CAMK2A: variants seen among roughly 807,000 people sequenced by gnomAD.
The protein encoded by CAMK2A is calcium/calmodulin dependent protein kinase II alpha.
CAMK2A carries 7 observed loss-of-function variants against 79.2 expected under a neutral mutation model. The ratio of observed to expected loss-of-function variants is 0.09; its 90% CI spans 0.05 to 0.17. The LOEUF is 0.17. Among genes scored for constraint, CAMK2A ranks in the 10% least tolerant of loss-of-function variants. CAMK2A has a pLI of 1.00. For synonymous variants in CAMK2A, 242 were observed against 251.7 expected (o/e 0.96, Z 0.36); for missense variants, 214 against 646.4 (o/e 0.33, Z 7.25).
At chr5:150,276,449 A>G (rs78209894) in intron 1 of CAMK2A, among the ~76,000 whole-genome samples, 239 of 152,294 alleles carry the variant, frequency 1.6e-3, no homozygotes, top group Non-Finnish European at 2.5e-3. Context: ...AGACAGGAGA[A>G]GAGATTTTCA....
At chr5:150,265,084 A>G (rs770382357) in intron 2 of CAMK2A, 69 bp from the exon 3 acceptor site, 10 of 1,194,584 alleles carry the variant, frequency 8.4e-6, no homozygotes, top group South Asian at 2.5e-5. Flanking sequence ...CCCCCTTCTC[A>G]AAGCCTCGTA....
chr5:150,225,755 A>T lies in CAMK2A; in HGVS notation c.1237+2437T>A, dbSNP rs113770716. 3.3e-4 allele frequency among the ~76,000 whole-genome samples: 21 copies of T among 64,286 alleles called. No homozygotes were observed. In the South Asian group the frequency reaches 4.1e-3, roughly 12 times the overall value. The allele number at this position is 64,286 out of a possible 152,430, so 42.2% of individuals were successfully genotyped here. On this transcript the variant is annotated intron_variant, in intron 17 of 18. Coordinates refer to ENST00000671881, the MANE Select transcript of CAMK2A (RefSeq NM_015981.4). ...TTCAATTGTTATTATTATTATTATT[A>T]TTTTTTTTAGATGGAGTCTTGCTCT...
At chr5:150,253,327 C>T (rs1037191361) in intron 7 of CAMK2A, 117 bp downstream of exon 7, 37 of 778,296 alleles carry the variant, frequency 4.8e-5, no homozygotes, top group Admixed American at 6.0e-5. Flanking sequence ...CTACCAGCCC[C>T]GGCTGGCCCA....
In CAMK2A at chr5:150,281,187, A is replaced by G. The variant is rs1199167226; in HGVS notation, c.63-8028T>C. ...TAATCAAAGCCCAGTCTCTTCCCCA[A>G]AATTTCCCCACTCTTGGTTAAGATA... On this transcript the variant is annotated intron_variant, in intron 1 of 18. Coordinates refer to ENST00000671881, the MANE Select transcript of CAMK2A (RefSeq NM_015981.4). Among the ~76,000 whole-genome samples the G allele has an allele frequency of 2.6e-5, 4 of 152,316 alleles. No individual in the cohort carries two copies. The East Asian group carries it at 7.7e-4, about 29-fold the overall frequency.
chr5:150,262,242 G>T (rs1206403910), intron 3 of CAMK2A, among the ~76,000 whole-genome samples: 3 of 152,214 alleles, frequency 2.0e-5, no homozygotes, highest in African/African-American at 7.2e-5. Context: ...CACAGAAGCA[G>T]CGACCAGTAG....
At chr5:150,250,526 A>T (rs1755785059) in intron 10 of CAMK2A, among the ~76,000 whole-genome samples, 162 bp downstream of exon 10, 1 of 151,836 alleles carries the variant, frequency 6.6e-6, no homozygotes, top group East Asian at 1.9e-4. Context: ...CAGAACACTC[A>T]CTCCTCGTTT....
rs375625832 is a variant in CAMK2A, at chr5:150,271,045, C to T, written c.157+2020G>A. Among the ~76,000 whole-genome samples the T allele has an allele frequency of 3.3e-4, 50 of 152,334 alleles. 3 individuals are homozygous for T. Among genetic ancestry groups the T allele is most frequent in the South Asian group, 3.1e-3 (15 of 4,828 alleles). On this transcript the variant is annotated intron_variant, in intron 2 of 18. Coordinates refer to ENST00000671881, the MANE Select transcript of CAMK2A (RefSeq NM_015981.4). ...CTCTCCCACTGGGGCAATCTTAACC[C>T]GTCACCCCCTGTCCCTGTTGTATCT...
At chr5:150,266,626 C>T (rs1260181645) in intron 2 of CAMK2A, among the ~76,000 whole-genome samples, 1 of 152,098 alleles carries the variant, frequency 6.6e-6, no homozygotes, top group Non-Finnish European at 1.5e-5. Flanking sequence ...CAAAGTCAAT[C>T]CCGCAGTGAG....
intron 7 of CAMK2A, among the ~76,000 whole-genome samples, chr5:150,252,302 C>T (rs1419199205): frequency 6.6e-6 from 1 of 152,200 alleles, no homozygotes; most frequent in Admixed American, 6.5e-5. Context: ...CACCTGTCAC[C>T]ACTTCCCACT....
chr5:150,253,600 C>T, intron 6 of CAMK2A, 54 bp from the exon 7 acceptor site: 1 of 1,444,064 alleles, frequency 6.9e-7, no homozygotes. Flanking sequence ...AAGAGACAGT[C>T]AGCAGATTCA....
chr5:150,235,226 A>C (rs1411505945), intron 15 of CAMK2A, among the ~76,000 whole-genome samples: 2 of 152,196 alleles, frequency 1.3e-5, no homozygotes, highest in Non-Finnish European at 2.9e-5. Context: ...AATAAAGCCT[A>C]GTGGGCAGGA....
chr5:150,230,734 G>A (rs1005863774), intron 16 of CAMK2A, among the ~76,000 whole-genome samples: 10 of 152,254 alleles, frequency 6.6e-5, no homozygotes, highest in Non-Finnish European at 1.0e-4. Flanking sequence ...AAGTCCAGGT[G>A]TGTATGTGAT....
In CAMK2A at chr5:150,256,541, G is replaced by T. The variant is rs371519539; in HGVS notation, c.411+32C>A. ...ACGTGCAGAGGAGAGAGGGGCTCCC[G>T]GGGTGAGCCACACCCACGGTGGGTT... is the stretch of plus-strand genomic sequence containing the variant. On this transcript the variant is annotated intron_variant, in intron 6 of 18. Transcript: ENST00000671881. The surrounding 1 kb of genome is among the most constrained non-coding windows in gnomAD (Gnocchi z 4.6). 2 of 1,539,618 alleles carry T rather than the reference G, an allele frequency of 1.3e-6. No individual in the cohort carries two copies. The highest frequency in any genetic ancestry group is 1.7e-5 in the Admixed American group (1 of 59,766).
At chr5:150,278,409 T>A (rs1443898198) in intron 1 of CAMK2A, among the ~76,000 whole-genome samples, 1 of 151,692 alleles carries the variant, frequency 6.6e-6, no homozygotes, top group Non-Finnish European at 1.5e-5. Flanking sequence ...GTTTCTGTAT[T>A]CTTGTCCTGC....
rs529387544 is a variant in CAMK2A at position 150,284,667 on chromosome 5, C to A, written c.62+4897G>T. On this transcript the variant is annotated intron_variant, in intron 1 of 18. Coordinates refer to ENST00000671881, the MANE Select transcript of CAMK2A (RefSeq NM_015981.4). This position sits in a 1 kb window ranked among gnomAD's most constrained non-coding sequence, Gnocchi z 5.3. ...CTCGTCCCTTCCCTGTTCCTGCCAC[C>A]CTTTCCTTGAGGTCCTGCCCCTCAA... Among the ~76,000 whole-genome samples the A allele has an allele frequency of 6.6e-6, 1 of 152,164 alleles. No individual in the cohort carries two copies. The highest frequency in any genetic ancestry group is 2.4e-5 in the African/African-American group (1 of 41,432).
At chr5:150,280,092 G>C (rs568978630) in intron 1 of CAMK2A, among the ~76,000 whole-genome samples, 2 of 152,298 alleles carry the variant, frequency 1.3e-5, no homozygotes, top group South Asian at 2.1e-4. Flanking sequence ...GATGCGACCA[G>C]CCCTGCTCCC....
At chr5:150,239,775 A>G (rs767678736) in intron 13 of CAMK2A, 39 bp from the exon 14 acceptor site, 1 of 1,593,544 alleles carries the variant, frequency 6.3e-7, no homozygotes, top group Admixed American at 1.7e-5. Flanking sequence ...AGGAAAAGAC[A>G]CAGCGTGAAA....
intron 12 of CAMK2A, among the ~76,000 whole-genome samples, chr5:150,245,533 C>T (rs1319801606): frequency 4.6e-5 from 7 of 152,222 alleles, no homozygotes; most frequent in Non-Finnish European, 8.8e-5. Flanking sequence ...CTGTCACCAC[C>T]GTGCTGGCGG....
At chr5:150,265,096 T>C in intron 2 of CAMK2A, 81 bp from the exon 3 acceptor site, 1 of 1,062,160 alleles carries the variant, frequency 9.4e-7, no homozygotes, top group Non-Finnish European at 1.5e-6. Context: ...AGCCTCGTAT[T>C]ATCTCCACCT....
Sources: allele counts gnomAD v4.1 joint callset (sites outside exome capture counted in the v4.1 genomes callset), GRCh38; gene constraint gnomAD v4.1.1; non-coding constraint Gnocchi (gnomAD v3.1); transcripts MANE v1.5; gene names NCBI Gene and HGNC (gene_info 2026-07-23, HGNC 2026-07-21).